The following HMGB1 variants were observed in gnomAD, a reference collection of about 807,000 sequenced individuals.
HMGB1 encodes high mobility group box 1.
For missense variants in HMGB1, 79 were observed against 253.5 expected (o/e 0.31, Z 4.67); for synonymous variants, 81 against 84.0 (o/e 0.96, Z 0.19).
rs1555231061 is a variant in HMGB1 at position 30,456,756 on chromosome 13, T to TGGGTGGG, written c.*4600_*4601insCCCACCC. 1 of 2,548 alleles carries TGGGTGGG rather than the reference T, an allele frequency of 3.9e-4. No individual in the cohort carries two copies. Among genetic ancestry groups the TGGGTGGG allele is most frequent in the Non-Finnish European group, 1.0e-3 (1 of 1,004 alleles). 0.2% of individuals were successfully genotyped at this position (2,548 alleles called of 1,614,324 possible). A position where few individuals can be genotyped will look rare whatever the true frequency, so the allele number is the denominator to read the frequency against. On this transcript the variant is annotated 3_prime_UTR_variant, in exon 5 of 5. Coordinates refer to ENST00000341423, the MANE Select transcript of HMGB1 (RefSeq NM_002128.7). The stretch of plus-strand genomic sequence containing the variant: ...TTCACAGCATAAATAACAGCTTTTG[T>TGGGTGGG]GGGCGGGGGGGGGGGGTGGTGGGGT...
At chr13:30,563,169 G>A (rs995756236) in intron 1 of HMGB1, among the ~76,000 whole-genome samples, 9 of 152,192 alleles carry the variant, frequency 5.9e-5, no homozygotes, top group African/African-American at 2.2e-4. Flanking sequence ...TCTGCTTCGA[G>A]GTCAAATCGA....
At position 30,513,469 on chromosome 13, in the gene HMGB1, G is replaced by A. The variant is rs530576188; in HGVS notation, c.-14-49775C>T. 6.6e-5 allele frequency among the ~76,000 whole-genome samples: 10 copies of A among 152,274 alleles called. No homozygotes were observed. In the East Asian group the frequency reaches 7.7e-4, roughly 12 times the overall value. ...TGAGTTCACATCTTCTCTATGGCACGATCTGTATCTTCATATTTGTATTTC... is the reference window on the plus strand; with the variant it reads ...TGAGTTCACATCTTCTCTATGGCACAATCTGTATCTTCATATTTGTATTTC... On this transcript the variant is annotated intron_variant, in intron 1 of 4. Transcript: ENST00000405805.
At chr13:30,497,631 G>C (rs1887640418) in intron 1 of HMGB1, among the ~76,000 whole-genome samples, 1 of 152,028 alleles carries the variant, frequency 6.6e-6, no homozygotes, top group South Asian at 2.1e-4. Flanking sequence ...GTAGGCCCCA[G>C]TGTCTCTTGT....
chr13:30,548,249 C>A (rs1053894813), intron 1 of HMGB1, among the ~76,000 whole-genome samples: 2 of 152,048 alleles, frequency 1.3e-5, no homozygotes, highest in Non-Finnish European at 2.9e-5. Context: ...TGAGATCTGA[C>A]GGTTTTATAA....
intron 1 of HMGB1, chr13:30,540,903 A>T (rs1379190207): frequency 1.3e-5 from 2 of 152,656 alleles, no homozygotes; most frequent in Non-Finnish European, 2.9e-5. Flanking sequence ...TTAAAAAAGC[A>T]TGTGGACCCC....
chr13:30,516,559 A>G (rs1428374449), intron 1 of HMGB1, among the ~76,000 whole-genome samples: 1 of 152,228 alleles, frequency 6.6e-6, no homozygotes, highest in African/African-American at 2.4e-5. Flanking sequence ...AATTTAATGC[A>G]GAAAACACTT....
rs1886309149 is a variant in HMGB1 at position 30,461,274 on chromosome 13, T to A, written c.*83A>T. ...ATCTTACACAGCCTTACATTTCAAT[T>A]TTTTTCTTTAAAAGGAGTGAGTTGT... is the stretch of plus-strand genomic sequence containing the variant. On this transcript the variant is annotated 3_prime_UTR_variant, in exon 5 of 5. Transcript: ENST00000341423. 2 of 1,505,546 alleles carry A rather than the reference T, an allele frequency of 1.3e-6. No homozygotes were observed. The highest frequency in any genetic ancestry group is 1.8e-6 in the Non-Finnish European group (2 of 1,131,152). The allele number at this position is 1,505,546 out of a possible 1,614,324, so 93.3% of individuals were successfully genotyped here. A position where few individuals can be genotyped will look rare whatever the true frequency, so the allele number is the denominator to read the frequency against.
intron 1 of HMGB1, among the ~76,000 whole-genome samples, chr13:30,585,373 G>GA (rs1256911258): frequency 2.6e-5 from 4 of 152,082 alleles, no homozygotes; most frequent in African/African-American, 4.8e-5. Context: ...ATGCATTGCT[G>GA]AAATGTTAAA....
intron 1 of HMGB1, among the ~76,000 whole-genome samples, chr13:30,549,797 A>G (rs1373489695): frequency 2.7e-5 from 4 of 150,550 alleles, no homozygotes; most frequent in Admixed American, 6.6e-5. Flanking sequence ...ACTCACTGCA[A>G]CCTCCGCCTC....
chr13:30,462,780 A>C, intron 3 of HMGB1, 68 bp from the exon 4 acceptor site: 1 of 1,277,518 alleles, frequency 7.8e-7, no homozygotes, highest in Non-Finnish European at 1.1e-6. Context: ...TCAAGTGTAC[A>C]CTGCATTGCT....
chr13:30,551,489 T>A (rs1180408469), intron 1 of HMGB1, among the ~76,000 whole-genome samples: 3 of 152,204 alleles, frequency 2.0e-5, no homozygotes, highest in Non-Finnish European at 4.4e-5. Context: ...AAAACTAAAC[T>A]TCTTGCCACA....
chr13:30,492,994 C>CA (rs1022752871), intron 1 of HMGB1, among the ~76,000 whole-genome samples: 9,475 of 37,016 alleles, frequency 0.26, 1,160 homozygotes, highest in East Asian at 0.48. Context: ...GACTACATCT[C>CA]AAAAAAAAAA....
At chr13:30,505,449 A>T (rs1887839066) in intron 1 of HMGB1, among the ~76,000 whole-genome samples, 1 of 151,992 alleles carries the variant, frequency 6.6e-6, no homozygotes, top group Non-Finnish European at 1.5e-5. Flanking sequence ...AAGTGCTGGG[A>T]TTACAGGTGT....
At chr13:30,537,254 C>T (rs1395912320) in intron 1 of HMGB1, among the ~76,000 whole-genome samples, 4 of 152,142 alleles carry the variant, frequency 2.6e-5, no homozygotes, top group African/African-American at 9.7e-5. Flanking sequence ...CACCCAGCCA[C>T]AACCAAAGCT....
intron 1 of HMGB1, among the ~76,000 whole-genome samples, chr13:30,571,444 G>A (rs1391262057): frequency 3.9e-5 from 6 of 152,070 alleles, no homozygotes; most frequent in African/African-American, 1.4e-4. Flanking sequence ...ACAGGCATGT[G>A]CCACCATGCC....
intron 1 of HMGB1, among the ~76,000 whole-genome samples, chr13:30,473,176 CT>C (rs1886986122): frequency 6.6e-6 from 1 of 152,146 alleles, no homozygotes; most frequent in South Asian, 2.1e-4. Context: ...TCCCCAGCTG[CT>C]TAAGTACCTC....
intron 1 of HMGB1, among the ~76,000 whole-genome samples, chr13:30,557,545 T>C (rs1452335528): frequency 6.6e-6 from 1 of 152,222 alleles, no homozygotes; most frequent in Admixed American, 6.5e-5. Flanking sequence ...CAATAAATGT[T>C]GACCTAAGAC....
chr13:30,589,288 A>G (rs1028752003), intron 1 of HMGB1, among the ~76,000 whole-genome samples: 1 of 152,070 alleles, frequency 6.6e-6, no homozygotes, highest in East Asian at 1.9e-4. Context: ...TACAGGCGTG[A>G]ACCACCGCGC....
At chr13:30,505,272 G>A (rs1887828445) in intron 1 of HMGB1, among the ~76,000 whole-genome samples, 1 of 152,136 alleles carries the variant, frequency 6.6e-6, no homozygotes, top group South Asian at 2.1e-4. Flanking sequence ...TCCGCCTCCT[G>A]GGTTCAAACG....
Sources: gnomAD v4.1 joint callset for allele counts (sites outside exome capture counted in the v4.1 genomes callset) on GRCh38, gnomAD v4.1.1 for gene constraint, MANE v1.5 for transcripts, NCBI Gene and HGNC (gene_info 2026-07-23, HGNC 2026-07-21) for gene names.